TENM4: variants seen among roughly 807,000 people sequenced by gnomAD.
TENM4 encodes teneurin-4.
TENM4 carries 82 observed loss-of-function variants against 243.3 expected under a neutral mutation model. That is an observed-to-expected ratio of 0.34 (90% CI 0.28 to 0.40). TENM4 has a LOEUF of 0.40. Among genes scored for constraint, TENM4 ranks in the 10% least tolerant of loss-of-function variants. The pLI is 1.00. For synonymous variants in TENM4, 1,412 were observed against 1,456.3 expected (o/e 0.97, Z 0.69); for missense variants, 3,138 against 3,673.3 (o/e 0.85, Z 3.77).
chr11:79,048,835 T>C (rs1263671237), intron 6 of TENM4, among the ~76,000 whole-genome samples: 3 of 152,090 alleles, frequency 2.0e-5, no homozygotes, highest in Non-Finnish European at 4.4e-5. Flanking sequence ...CTGAAAACCA[T>C]GTTACAGGAT....
chr11:78,706,306 C>A (rs1859246531), intron 27 of TENM4, among the ~76,000 whole-genome samples: 2 of 152,168 alleles, frequency 1.3e-5, no homozygotes, highest in South Asian at 4.2e-4. Flanking sequence ...TCCTTCTGTT[C>A]CTTCTCTGCT....
intron 12 of TENM4, among the ~76,000 whole-genome samples, chr11:78,842,089 A>C (rs1164826915): frequency 6.6e-6 from 1 of 152,088 alleles, no homozygotes; most frequent in East Asian, 1.9e-4. Context: ...ACTGTCTCAA[A>C]TTCAGAGCTA....
chr11:78,995,359 G>A (rs1272598044), intron 6 of TENM4, among the ~76,000 whole-genome samples: 1 of 152,152 alleles, frequency 6.6e-6, no homozygotes, highest in Non-Finnish European at 1.5e-5. Context: ...AAGCTTTGAA[G>A]CAGAGGAGTG....
At chr11:79,300,069 T>C (rs1226467141) in intron 1 of TENM4, among the ~76,000 whole-genome samples, 1 of 152,222 alleles carries the variant, frequency 6.6e-6, no homozygotes, top group Non-Finnish European at 1.5e-5. Context: ...TCAGAATTAG[T>C]ACCCCCTCCT....
Position 79,399,026 on chromosome 11 carries a change from G to C in TENM4, c.-321+41483C>G, listed in dbSNP as rs118044089. Among the ~76,000 whole-genome samples the C allele has an allele frequency of 1.5e-3, 229 of 152,294 alleles. 4 individuals are homozygous for C. The East Asian group carries it at 0.042, about 28-fold the overall frequency. ...TGCAGAGGGAAGTGTGCTAGGCCTGGCTGCCATGCTTCATTACAAAAGAAC... is the reference window on the plus strand; with the variant it reads ...TGCAGAGGGAAGTGTGCTAGGCCTGCCTGCCATGCTTCATTACAAAAGAAC... On this transcript the variant is annotated intron_variant, in intron 1 of 33. Coordinates refer to ENST00000278550, the MANE Select transcript of TENM4 (RefSeq NM_001098816.3).
intron 6 of TENM4, among the ~76,000 whole-genome samples, chr11:79,039,636 C>T (rs2136894563): frequency 6.6e-6 from 1 of 152,210 alleles, no homozygotes; most frequent in East Asian, 1.9e-4. Flanking sequence ...TCACTTAAGA[C>T]ATCTATAATA....
chr11:79,341,669 A>G (rs113223488), intron 1 of TENM4, among the ~76,000 whole-genome samples: 247 of 152,286 alleles, frequency 1.6e-3, no homozygotes, highest in Non-Finnish European at 2.6e-3. Context: ...CAGACCTCTG[A>G]ATTGGGGCCT....
intron 1 of TENM4, among the ~76,000 whole-genome samples, chr11:79,403,229 C>G (rs574167132): frequency 1.3e-5 from 2 of 152,330 alleles, no homozygotes; most frequent in Admixed American, 6.5e-5. Flanking sequence ...TTCTCCCATG[C>G]ACATTTATGA....
At chr11:79,074,149 T>A (rs1293328478) in intron 4 of TENM4, among the ~76,000 whole-genome samples, 1 of 152,224 alleles carries the variant, frequency 6.6e-6, no homozygotes, top group Admixed American at 6.5e-5. Flanking sequence ...CCTTAAAATT[T>A]TTTTTTCACA....
chr11:79,108,700 T>C (rs1861432661), intron 4 of TENM4, among the ~76,000 whole-genome samples: 2 of 152,228 alleles, frequency 1.3e-5, no homozygotes, highest in South Asian at 2.1e-4. Flanking sequence ...TTAACATTTG[T>C]AATTGAAAAA....
rs1443597024 is a variant in TENM4, at chr11:78,712,663, G to A, written c.3873C>T (p.Ala1291=). ...YYLATDPMSG[A]VFLSDSNSRR... is the part of the protein sequence containing the mutation. ...GGCTGTTGCTGTCAGAAAGGAAGAC[G>A]GCCCCACTCATGGGGTCTGTGGCCA... The change falls in exon 26 of 34, where the codon GCC becomes GCT. Residue 1291 remains alanine, a synonymous_variant. Transcript: ENST00000278550. 5.6e-6 allele frequency: 9 copies of A among 1,614,004 alleles called. No individual in the cohort carries two copies. The highest frequency in any genetic ancestry group is 2.7e-5 in the African/African-American group (2 of 75,042).
chr11:79,087,472 G>A (rs1218416891), intron 4 of TENM4, among the ~76,000 whole-genome samples: 2 of 152,194 alleles, frequency 1.3e-5, no homozygotes, highest in Non-Finnish European at 2.9e-5. Flanking sequence ...TATTGCTTGG[G>A]ATCAGAGATC....
intron 1 of TENM4, among the ~76,000 whole-genome samples, chr11:79,343,572 T>C (rs1857277026): frequency 6.6e-6 from 1 of 152,124 alleles, no homozygotes; most frequent in African/African-American, 2.4e-5. Flanking sequence ...AGCTGATGCT[T>C]GATAAAAATG....
At chr11:79,372,053 G>T (rs1857798744) in intron 1 of TENM4, among the ~76,000 whole-genome samples, 1 of 152,174 alleles carries the variant, frequency 6.6e-6, no homozygotes, top group African/African-American at 2.4e-5. Flanking sequence ...CAGTGCTCCT[G>T]CCCTGCCTCT....
At chr11:78,912,950 T>C (rs1565122983) in intron 6 of TENM4, among the ~76,000 whole-genome samples, 2 of 152,272 alleles carry the variant, frequency 1.3e-5, no homozygotes, top group Admixed American at 6.5e-5. Context: ...GCTAATTTGC[T>C]GTGTGACCTT....
chr11:79,173,581 G>T (rs1261488048), intron 3 of TENM4, among the ~76,000 whole-genome samples: 1 of 152,122 alleles, frequency 6.6e-6, no homozygotes, highest in East Asian at 1.9e-4. Context: ...TGGTATTTTA[G>T]CTTTCATCTG....
chr11:78,938,571 C>G lies in TENM4; in HGVS notation c.494-35048G>C, dbSNP rs143261188. ...ACAAAAATAACAAAAGAAAAATATG[C>G]CCTCTACTTATCATTACTTCATTGA... On this transcript the variant is annotated intron_variant, in intron 6 of 33. Transcript: ENST00000278550. Among the ~76,000 whole-genome samples, 684 of 152,102 alleles carry G rather than the reference C, an allele frequency of 4.5e-3. 7 individuals carry two copies. The highest frequency in any genetic ancestry group is 0.015 in the African/African-American group (641 of 41,486).
At chr11:79,273,544 G>A (rs1856003661) in intron 2 of TENM4, among the ~76,000 whole-genome samples, 1 of 152,178 alleles carries the variant, frequency 6.6e-6, no homozygotes, top group Non-Finnish European at 1.5e-5. Context: ...GCTTCGCAAA[G>A]CAATCTTATT....
At chr11:79,371,097 A>G (rs1857775916) in intron 1 of TENM4, among the ~76,000 whole-genome samples, 2 of 152,232 alleles carry the variant, frequency 1.3e-5, no homozygotes, top group Non-Finnish European at 2.9e-5. Flanking sequence ...CAATTAAACA[A>G]TAAGCTATGT....
Sources: gnomAD v4.1 joint callset for allele counts (sites outside exome capture counted in the v4.1 genomes callset) on GRCh38, gnomAD v4.1.1 for gene constraint, MANE v1.5 for transcripts, NCBI Gene and HGNC (gene_info 2026-07-23, HGNC 2026-07-21) for gene names.